The following NAAA variants were observed in gnomAD, a reference collection of about 807,000 sequenced individuals.
The protein encoded by NAAA is N-acylethanolamine acid amidase.
In NAAA, 39 loss-of-function variants were observed where a neutral mutation model predicts 44.8. That is an observed-to-expected ratio of 0.87 (90% CI 0.67 to 1.14). The LOEUF is 1.14. NAAA is among the 50% of genes most tolerant of loss of function. The pLI is 0.00. For missense variants in NAAA, 460 were observed against 467.8 expected, an observed-to-expected ratio of 0.98 and a Z score of 0.15; for synonymous variants, 178 against 191.3, an observed-to-expected ratio of 0.93 and a Z score of 0.58.
chr4:75,914,725 T>C, intron 10 of NAAA, 143 bp downstream of exon 10: 1 of 583,944 alleles, frequency 1.7e-6, no homozygotes, highest in Non-Finnish European at 2.9e-6. Context: ...TATCTAATGA[T>C]GACAATCTGA....
rs1728101035 is a variant in NAAA at position 75,940,029 on chromosome 4, G to A, written c.343C>T (p.Leu115=). ...GAGGACTCGTAGGCCAGGTTGACCAGAAGGCAGTCCGCCAGGCTGAGGTTC... is the reference window on the plus strand; with the variant it reads ...GAGGACTCGTAGGCCAGGTTGACCAAAAGGCAGTCCGCCAGGCTGAGGTTC... ...FMNLSLADCL[L]VNLAYESSVF... The change falls in exon 2 of 11, where the codon CTG becomes TTG. Residue 115 remains leucine, a synonymous_variant. Coordinates refer to ENST00000286733, the MANE Select transcript of NAAA (RefSeq NM_014435.4). 6.2e-7 allele frequency: 1 copy of A among 1,614,068 alleles called. No homozygotes were observed. The highest frequency in any genetic ancestry group is 8.5e-7 in the Non-Finnish European group (1 of 1,180,048).
intron 1 of NAAA, among the ~76,000 whole-genome samples, chr4:75,940,473 A>G (rs1239267825): frequency 6.6e-6 from 1 of 152,228 alleles, no homozygotes. Context: ...CCTCCTTGGT[A>G]GCTATGCAGC....
chr4:75,938,412 A>G (rs912867429), intron 2 of NAAA, among the ~76,000 whole-genome samples: 1 of 152,238 alleles, frequency 6.6e-6, no homozygotes, highest in Admixed American at 6.5e-5. Flanking sequence ...AGAAAGCTGT[A>G]AGTTAAAAAT....
intron 3 of NAAA, among the ~76,000 whole-genome samples, chr4:75,934,572 C>G (rs974472992): frequency 6.6e-6 from 1 of 151,900 alleles, no homozygotes; most frequent in Admixed American, 6.6e-5. Context: ...CGTGATTCGC[C>G]TGCCTCGGCC....
chr4:75,927,644 C>G (rs920053115), intron 4 of NAAA, among the ~76,000 whole-genome samples: 1 of 114,108 alleles, frequency 8.8e-6, no homozygotes, highest in Non-Finnish European at 1.9e-5. Context: ...CCCCCCCCCC[C>G]CCCGCCAAAA....
At chr4:75,928,348 A>C (rs1456140475) in intron 4 of NAAA, among the ~76,000 whole-genome samples, 1 of 152,186 alleles carries the variant, frequency 6.6e-6, no homozygotes, top group Non-Finnish European at 1.5e-5. Context: ...CAGGCAGTAC[A>C]GGTGTGATGG....
chr4:75,924,955 CCT>C (rs1726521850), intron 5 of NAAA, among the ~76,000 whole-genome samples: 1 of 151,988 alleles, frequency 6.6e-6, no homozygotes, highest in African/African-American at 2.4e-5. Flanking sequence ...AGGTAGGGCC[CCT>C]GTCTCCCTGT....
chr4:75,932,779 C>T (rs1030424484), intron 3 of NAAA, among the ~76,000 whole-genome samples: 1 of 151,206 alleles, frequency 6.6e-6, no homozygotes, highest in Non-Finnish European at 1.5e-5. Context: ...GCTGGGATTA[C>T]AGGTGTGAGC....
chr4:75,924,351 G>C (rs1368388030), intron 5 of NAAA, among the ~76,000 whole-genome samples: 1 of 152,180 alleles, frequency 6.6e-6, no homozygotes, highest in Non-Finnish European at 1.5e-5. Flanking sequence ...ACTGAGATGC[G>C]TAACAGTCTG....
intron 3 of NAAA, among the ~76,000 whole-genome samples, chr4:75,931,913 T>A (rs565191259): frequency 1.6e-4 from 24 of 152,314 alleles, no homozygotes; most frequent in African/African-American, 5.8e-4. Flanking sequence ...ATCCTAGAAG[T>A]AGCAAGTGGA....
Position 75,914,219 on chromosome 4 carries a change from C to A in NAAA, c.*156G>T. The A allele has an allele frequency of 3.0e-6, 3 of 985,760 alleles. No homozygotes were observed. Among genetic ancestry groups the A allele is most frequent in the Non-Finnish European group, 3.6e-6 (3 of 829,936 alleles). 61.1% of individuals were successfully genotyped at this position (985,760 alleles called of 1,614,324 possible). ...CTCCAAATCTCCTGGACCCACTTCGCAAGGTTGTAAAGTTAAATGAGGAAG... is the reference window on the plus strand; with the variant it reads ...CTCCAAATCTCCTGGACCCACTTCGAAAGGTTGTAAAGTTAAATGAGGAAG... On this transcript the variant is annotated 3_prime_UTR_variant, in exon 11 of 11. Transcript: ENST00000286733.
At position 75,920,804 on chromosome 4, in the gene NAAA, C is replaced by G; in HGVS notation, c.840-4G>C. 6.2e-7 allele frequency: 1 copy of G among 1,614,220 alleles called. No homozygotes were observed. Among genetic ancestry groups the G allele is most frequent in the Non-Finnish European group, 8.5e-7 (1 of 1,180,046 alleles). ...ATTTGTCTCAACTCGGAACCACCTA[C>G]AACAGAGCACATCATCTTGTCTTAT... On this transcript the variant is annotated splice_region_variant and splice_polypyrimidine_tract_variant and intron_variant, in intron 6 of 10. Transcript: ENST00000286733.
intron 4 of NAAA, chr4:75,930,425 T>C: frequency 2.0e-6 from 1 of 507,388 alleles, no homozygotes; most frequent in South Asian, 1.4e-5. Context: ...TTTCTTTCTC[T>C]GCCTAACGAA....
chr4:75,913,646 A>C (rs1368870172), downstream of NAAA: 5 of 973,094 alleles, frequency 5.1e-6, no homozygotes, highest in Non-Finnish European at 6.1e-6. Context: ...AAGCAGGGAG[A>C]GCATAACGCT....
Position 75,940,732 on chromosome 4 carries a change from G to A in NAAA, c.206+12C>T, listed in dbSNP as rs1408681680. The A allele has an allele frequency of 6.3e-7, 1 of 1,591,816 alleles. No individual in the cohort carries two copies. Among genetic ancestry groups the A allele is most frequent in the Non-Finnish European group, 8.5e-7 (1 of 1,176,362 alleles). On this transcript the variant is annotated intron_variant, in intron 1 of 10. Transcript: ENST00000286733. ...GGTGTCCCCGCAGACCCCGTCCAGG[G>A]CCCCAGCTCACCCGATGACTTGCGC...
rs562656514 is a variant in NAAA at position 75,933,402 on chromosome 4, A to C, written c.499-2098T>G. Among the ~76,000 whole-genome samples, 4 of 152,198 alleles carry C rather than the reference A, an allele frequency of 2.6e-5. No homozygotes were observed. The East Asian group carries it at 7.7e-4, about 29-fold the overall frequency. ...TCAGACTTACTGAGGACCTCCATGA[A>C]TGTCTCATCTCCACGCATGGTGGTA... On this transcript the variant is annotated intron_variant, in intron 3 of 10. Transcript: ENST00000286733.
At chr4:75,932,570 C>A (rs4859568) in intron 3 of NAAA, among the ~76,000 whole-genome samples, 38,003 of 151,968 alleles carry the variant, frequency 0.25, 5,018 homozygotes, top group East Asian at 0.42. Flanking sequence ...GCAGCCTCGA[C>A]CTCCTGGGCT....
intron 5 of NAAA, 51 bp downstream of exon 5, chr4:75,925,684 T>C (rs1726610681): frequency 1.3e-6 from 2 of 1,540,358 alleles, no homozygotes; most frequent in Admixed American, 3.3e-5. Flanking sequence ...CACAGAACAG[T>C]TTAGAAGGTG....
intron 4 of NAAA, among the ~76,000 whole-genome samples, chr4:75,926,560 CAAAAAAAAAAA>C (rs56212846): frequency 1.4e-5 from 1 of 70,260 alleles, no homozygotes; most frequent in Non-Finnish European, 2.7e-5. Context: ...GACTCTGTCT[CAAAAAAAAAAA>C]AAAAAAAAAG....
Sources: allele counts gnomAD v4.1 joint callset (sites outside exome capture counted in the v4.1 genomes callset), GRCh38; gene constraint gnomAD v4.1.1; transcripts MANE v1.5; gene names NCBI Gene and HGNC (gene_info 2026-07-23, HGNC 2026-07-21).